The following CEP83 variants were observed in gnomAD, a reference collection of about 807,000 sequenced individuals.
CEP83 encodes centrosomal protein of 83 kDa.
A neutral mutation model predicts 101.9 loss-of-function variants in CEP83; 70 were observed. The observed-to-expected ratio is 0.69, with a 90% CI of 0.57 to 0.84. CEP83 has a LOEUF of 0.84. CEP83 is among the 40% of genes least tolerant of loss of function. The pLI is 0.00. For missense variants in CEP83, 715 were observed against 787.2 expected (o/e 0.91, Z 1.10); for synonymous variants, 264 against 267.9 (o/e 0.99, Z 0.14).
intron 4 of CEP83, among the ~76,000 whole-genome samples, chr12:94,407,703 C>G (rs2063626978): frequency 6.6e-6 from 1 of 152,190 alleles, no homozygotes; most frequent in African/African-American, 2.4e-5. Context: ...CCCATCTCTC[C>G]CTCTCCTATC....
At chr12:94,353,026 G>C (rs1387757914) in intron 11 of CEP83, among the ~76,000 whole-genome samples, 1 of 151,974 alleles carries the variant, frequency 6.6e-6, no homozygotes, top group Non-Finnish European at 1.5e-5. Flanking sequence ...AACCCAAAAA[G>C]GTCCTCTCCA....
chr12:94,327,374 C>T (rs985467597), intron 14 of CEP83, among the ~76,000 whole-genome samples: 17 of 152,134 alleles, frequency 1.1e-4, no homozygotes, highest in African/African-American at 4.1e-4. Flanking sequence ...ATAGCTTCTA[C>T]CTCTGTTCAC....
intron 11 of CEP83, among the ~76,000 whole-genome samples, chr12:94,367,076 C>T (rs1270247576): frequency 1.3e-5 from 2 of 151,866 alleles, no homozygotes; most frequent in African/African-American, 4.8e-5. Flanking sequence ...GAGGAAGGAT[C>T]ATAGAAATGG....
chr12:94,421,028 T>C (rs901207749), intron 2 of CEP83, among the ~76,000 whole-genome samples: 50 of 152,096 alleles, frequency 3.3e-4, no homozygotes, highest in African/African-American at 1.2e-3. Context: ...TGTGTACTTT[T>C]CTATATGTAT....
chr12:94,365,701 C>T (rs573941674), intron 11 of CEP83, among the ~76,000 whole-genome samples: 2 of 144,626 alleles, frequency 1.4e-5, no homozygotes, highest in South Asian at 4.5e-4. Context: ...GAGGCAGAGG[C>T]GGAGGCTGCA....
intron 6 of CEP83, among the ~76,000 whole-genome samples, chr12:94,396,100 T>C (rs931237578): frequency 1.3e-5 from 2 of 152,120 alleles, no homozygotes; most frequent in African/African-American, 4.8e-5. Flanking sequence ...AGTCTACCAT[T>C]ATAATTACCT....
At chr12:94,359,873 A>G (rs1302560607) in intron 11 of CEP83, among the ~76,000 whole-genome samples, 1 of 152,118 alleles carries the variant, frequency 6.6e-6, no homozygotes, top group Non-Finnish European at 1.5e-5. Context: ...AGATGCAAAA[A>G]CCCTCAACAA....
intron 12 of CEP83, 70 bp downstream of exon 12, chr12:94,335,519 A>T (rs985785247): frequency 8.6e-6 from 9 of 1,047,202 alleles, no homozygotes; most frequent in South Asian, 5.9e-5. Context: ...AAATTTTTTT[A>T]AAATTTGCAA....
Position 94,424,887 on chromosome 12 carries a change from C to T in CEP83, c.-102+10388G>A. The T allele has an allele frequency of 2.5e-6, 4 of 1,599,986 alleles. No individual in the cohort carries two copies. In the Admixed American group the frequency reaches 6.7e-5, roughly 27 times the overall value. On this transcript the variant is annotated intron_variant, in intron 2 of 16. Transcript: ENST00000397809. ...GGGCTAGGTGGTGCCATCTGCTGAG[C>T]CAATGACACATATGGCTTCTTGTTG...
the CEP83 span, among the ~76,000 whole-genome samples, chr12:94,266,807 C>T: frequency 6.6e-6 from 1 of 152,210 alleles, no homozygotes; most frequent in African/African-American, 2.4e-5. Flanking sequence ...AGAACATTGC[C>T]AGGCATGTGA....
At chr12:94,327,954 G>T (rs1371267930) in intron 14 of CEP83, among the ~76,000 whole-genome samples, 1 of 152,150 alleles carries the variant, frequency 6.6e-6, no homozygotes, top group Non-Finnish European at 1.5e-5. Context: ...TATTTCTCCA[G>T]CAAGATTATA....
chr12:94,320,033 T>A (rs1028550071), intron 14 of CEP83, among the ~76,000 whole-genome samples: 1 of 152,228 alleles, frequency 6.6e-6, no homozygotes. Context: ...CGGGTGCTCC[T>A]ATGTTGGGTG....
At chr12:94,420,601 T>C (rs949181627) in intron 2 of CEP83, among the ~76,000 whole-genome samples, 12 of 152,196 alleles carry the variant, frequency 7.9e-5, no homozygotes, top group Non-Finnish European at 2.9e-5. Context: ...TTTTGTTTTT[T>C]AGTTCATCAG....
intron 2 of CEP83, among the ~76,000 whole-genome samples, chr12:94,415,389 A>G (rs2064190340): frequency 6.6e-6 from 1 of 152,140 alleles, no homozygotes; most frequent in African/African-American, 2.4e-5. Flanking sequence ...GATGAATCTT[A>G]TGAAAGAAAT....
the CEP83 span, among the ~76,000 whole-genome samples, chr12:94,268,433 A>T: frequency 4.6e-5 from 7 of 152,158 alleles, no homozygotes; most frequent in South Asian, 1.5e-3. Flanking sequence ...CAAGCATTCC[A>T]GGCTGGTGTT....
At chr12:94,280,132 A>C in the CEP83 span, 1 of 304,652 alleles carries the variant, frequency 3.3e-6, no homozygotes, top group South Asian at 2.8e-5. Context: ...TCCTGTATTA[A>C]GTATATGCTC....
At chr12:94,335,244 C>T (rs1372601697) in intron 12 of CEP83, among the ~76,000 whole-genome samples, 1 of 151,982 alleles carries the variant, frequency 6.6e-6, no homozygotes, top group Non-Finnish European at 1.5e-5. Context: ...AAGTCAATCA[C>T]ACAAGTAACT....
chr12:94,417,949 T>C (rs907553785), intron 2 of CEP83, among the ~76,000 whole-genome samples: 5 of 152,020 alleles, frequency 3.3e-5, no homozygotes, highest in African/African-American at 1.2e-4. Flanking sequence ...GCACTGATGA[T>C]AAAAATGCTT....
chr12:94,324,378 A>G (rs948168396), intron 14 of CEP83, among the ~76,000 whole-genome samples: 3 of 152,356 alleles, frequency 2.0e-5, no homozygotes, highest in South Asian at 2.1e-4. Context: ...AAATGTATTC[A>G]TTTATTCTAA....
Sources: allele counts gnomAD v4.1 joint callset (sites outside exome capture counted in the v4.1 genomes callset), GRCh38; gene constraint gnomAD v4.1.1; transcripts MANE v1.5; gene names NCBI Gene and HGNC (gene_info 2026-07-23, HGNC 2026-07-21).